Variants in PTPRT observed in about 807,000 individuals in gnomAD.
The protein encoded by PTPRT is protein tyrosine phosphatase receptor type T.
Under a neutral mutation model 176.8 loss-of-function variants are expected in PTPRT, and 56 were observed. The observed-to-expected ratio is 0.32, with a 90% CI of 0.26 to 0.40. PTPRT has a LOEUF of 0.40. Among genes scored for constraint, PTPRT ranks in the 10% least tolerant of loss-of-function variants. The pLI is 1.00. For missense variants in PTPRT, 1,540 were observed against 1,908.2 expected (o/e 0.81, Z 3.60); for synonymous variants, 783 against 739.0 (o/e 1.06, Z -0.96).
chr20:42,633,042 C>T (rs1010457472), intron 7 of PTPRT, among the ~76,000 whole-genome samples: 1 of 152,128 alleles, frequency 6.6e-6, no homozygotes, highest in East Asian at 1.9e-4. Flanking sequence ...AGAATGATTC[C>T]AATATCTATC....
At chr20:42,098,679 G>C (rs1985543971) in intron 26 of PTPRT, 127 bp from the exon 27 acceptor site, 2 of 1,257,756 alleles carry the variant, frequency 1.6e-6, no homozygotes, top group East Asian at 2.5e-5. Flanking sequence ...ACACCTGCCT[G>C]TTCTTTTATC....
chr20:42,928,662 T>C (rs552906917), intron 1 of PTPRT, among the ~76,000 whole-genome samples: 1 of 152,194 alleles, frequency 6.6e-6, no homozygotes, highest in African/African-American at 2.4e-5. Context: ...AGAGGGATGG[T>C]CAACCAACTA....
chr20:42,166,245 G>A (rs2146523943), intron 16 of PTPRT, among the ~76,000 whole-genome samples: 1 of 152,248 alleles, frequency 6.6e-6, no homozygotes, highest in South Asian at 2.1e-4. Context: ...CACTGATCCA[G>A]TGTAAAACAG....
At chr20:42,674,906 T>G (rs911970394) in intron 7 of PTPRT, among the ~76,000 whole-genome samples, 5 of 146,858 alleles carry the variant, frequency 3.4e-5, no homozygotes, top group African/African-American at 1.4e-4. Context: ...GCAAATTTGT[T>G]CCAACCCAAT....
intron 21 of PTPRT, among the ~76,000 whole-genome samples, chr20:42,117,844 A>G (rs748117813): frequency 6.6e-6 from 1 of 152,156 alleles, no homozygotes; most frequent in Non-Finnish European, 1.5e-5. Flanking sequence ...GGTACTGGGC[A>G]TGTTTGTATG....
At chr20:42,173,718 C>A (rs1016002697) in intron 16 of PTPRT, among the ~76,000 whole-genome samples, 1 of 151,940 alleles carries the variant, frequency 6.6e-6, no homozygotes, top group African/African-American at 2.4e-5. Flanking sequence ...AGCTGAGGGG[C>A]GTGCATGGAA....
chr20:42,373,748 C>A (rs1228612884), intron 9 of PTPRT, among the ~76,000 whole-genome samples: 2 of 152,136 alleles, frequency 1.3e-5, no homozygotes, highest in African/African-American at 4.8e-5. Context: ...GTGGATATAC[C>A]AAAACCAGAG....
intron 1 of PTPRT, among the ~76,000 whole-genome samples, chr20:43,026,796 C>T (rs1985931689): frequency 6.6e-6 from 1 of 152,180 alleles, no homozygotes; most frequent in African/African-American, 2.4e-5. Context: ...TAATTTTTAG[C>T]TCCCAAAAAT....
Position 42,076,131 on chromosome 20 carries a change from A to G in PTPRT, c.*4748T>C, listed in dbSNP as rs1982743961. 9.8e-6 allele frequency: 2 copies of G among 203,888 alleles called. No individual in the cohort carries two copies. The highest frequency in any genetic ancestry group is 1.9e-4 in the South Asian group (1 of 5,260). The allele number at this position is 203,888 out of a possible 1,614,324, so 12.6% of individuals were successfully genotyped here. ...TCAAACTAAAGACTGAGCTCTGTCC[A>G]CCACAACCCCATGCCTTACCCAGGA... On this transcript the variant is annotated 3_prime_UTR_variant, in exon 31 of 31. Transcript: ENST00000373187.
chr20:42,277,854 T>C (rs2057067435), intron 13 of PTPRT, among the ~76,000 whole-genome samples: 2 of 150,924 alleles, frequency 1.3e-5, no homozygotes, highest in African/African-American at 4.9e-5. Flanking sequence ...AATGAAGCCA[T>C]GGAAGAATAA....
At chr20:42,976,335 TC>T (rs1385399208) in intron 1 of PTPRT, among the ~76,000 whole-genome samples, 2 of 152,088 alleles carry the variant, frequency 1.3e-5, no homozygotes, top group African/African-American at 4.8e-5. Context: ...TCCCACCTTA[TC>T]CCTTAAAATC....
chr20:42,336,590 C>T (rs1264675409), intron 11 of PTPRT, among the ~76,000 whole-genome samples: 5 of 152,090 alleles, frequency 3.3e-5, no homozygotes, highest in African/African-American at 1.2e-4. Flanking sequence ...GCACTCAGTA[C>T]ACTGTAGTTC....
chr20:42,132,512 G>T (rs886258682), intron 18 of PTPRT, among the ~76,000 whole-genome samples: 1 of 152,140 alleles, frequency 6.6e-6, no homozygotes. Flanking sequence ...ATGGGAGAAA[G>T]ATCTGAACAG....
At chr20:42,043,524 T>C in the PTPRT span, among the ~76,000 whole-genome samples, 1 of 152,162 alleles carries the variant, frequency 6.6e-6, no homozygotes, top group Admixed American at 6.5e-5. Flanking sequence ...CACTTTACCT[T>C]TCTGTGATGA....
At chr20:42,480,602 G>A (rs2071368382) in intron 7 of PTPRT, among the ~76,000 whole-genome samples, 2 of 152,122 alleles carry the variant, frequency 1.3e-5, no homozygotes, top group South Asian at 2.1e-4. Flanking sequence ...TGATGCTAGG[G>A]GGATGCAATA....
intron 13 of PTPRT, among the ~76,000 whole-genome samples, chr20:42,263,762 C>A (rs974821297): frequency 4.0e-5 from 6 of 150,170 alleles, no homozygotes; most frequent in Admixed American, 3.3e-4. Context: ...TGGGCTCAAA[C>A]AATTCACTGA....
At chr20:42,469,596 A>G (rs182407044) in intron 8 of PTPRT, among the ~76,000 whole-genome samples, 74 of 152,332 alleles carry the variant, frequency 4.9e-4, no homozygotes, top group African/African-American at 1.7e-3. Context: ...ATTGTCTGAC[A>G]GCGCACAATT....
chr20:43,186,465 C>T (rs1389615354), intron 1 of PTPRT, among the ~76,000 whole-genome samples: 1 of 152,192 alleles, frequency 6.6e-6, no homozygotes, highest in Non-Finnish European at 1.5e-5. Context: ...AACACACTGT[C>T]ACGGAGTCAG....
At chr20:42,503,073 C>T (rs190234306) in intron 7 of PTPRT, among the ~76,000 whole-genome samples, 1 of 151,988 alleles carries the variant, frequency 6.6e-6, no homozygotes, top group Non-Finnish European at 1.5e-5. Context: ...TTTGTTTGTG[C>T]CAACTTTTTT....
Sources: allele counts gnomAD v4.1 joint callset (sites outside exome capture counted in the v4.1 genomes callset), GRCh38; gene constraint gnomAD v4.1.1; transcripts MANE v1.5; gene names NCBI Gene and HGNC (gene_info 2026-07-23, HGNC 2026-07-21).